The following BTRC variants were observed in gnomAD, a reference collection of about 807,000 sequenced individuals.
The protein encoded by BTRC is beta-transducin repeat containing E3 ubiquitin protein ligase.
A neutral mutation model predicts 85.5 loss-of-function variants in BTRC; 42 were observed. The ratio of observed to expected loss-of-function variants is 0.49; its 90% CI spans 0.38 to 0.64. BTRC has a LOEUF of 0.64. BTRC is among the 30% of genes least tolerant of loss of function. The pLI is 0.00. For missense variants in BTRC, 594 were observed against 743.5 expected (o/e 0.80, Z 2.34); for synonymous variants, 255 against 263.3 (o/e 0.97, Z 0.30).
intron 1 of BTRC, among the ~76,000 whole-genome samples, chr10:101,359,388 T>A (rs1161853407): frequency 1.3e-5 from 2 of 152,102 alleles, no homozygotes; most frequent in African/African-American, 4.8e-5. Context: ...CTTATAGGTG[T>A]TGGGGTATGA....
At chr10:101,382,850 A>T (rs151299947) in intron 1 of BTRC, among the ~76,000 whole-genome samples, 7 of 152,256 alleles carry the variant, frequency 4.6e-5, no homozygotes, top group African/African-American at 7.2e-5. Flanking sequence ...GAAAGACATT[A>T]CATGGGCTTT....
chr10:101,441,879 C>CAAAAAA (rs35543012), intron 2 of BTRC, among the ~76,000 whole-genome samples: 1 of 85,712 alleles, frequency 1.2e-5, no homozygotes, highest in Admixed American at 1.6e-4. Flanking sequence ...GAGACTGTCT[C>CAAAAAA]AAAAAAAAAA....
At chr10:101,508,801 C>G (rs1440184504) in intron 4 of BTRC, among the ~76,000 whole-genome samples, 2 of 151,320 alleles carry the variant, frequency 1.3e-5, no homozygotes, top group Non-Finnish European at 2.9e-5. Context: ...GTAGTCCCAG[C>G]TACTGGGGAG....
Position 101,550,897 on chromosome 10 carries a change from G to A in BTRC, c.*31+6G>A, listed in dbSNP as rs780632847. The A allele has an allele frequency of 4.4e-6, 7 of 1,590,534 alleles. No homozygotes were observed. The African/African-American group carries it at 5.4e-5, about 12-fold the overall frequency. On this transcript the variant is annotated splice_donor_region_variant and intron_variant, in intron 14 of 14. Transcript: ENST00000370187. Reference sequence around the variant, plus strand: ...CTGACCTCATACTTGCCCAGGTATCGAAATCGATTATGTACATAACACTGT... The same window carrying A: ...CTGACCTCATACTTGCCCAGGTATCAAAATCGATTATGTACATAACACTGT...
At chr10:101,391,563 A>G (rs1477672963) in intron 1 of BTRC, among the ~76,000 whole-genome samples, 1 of 152,204 alleles carries the variant, frequency 6.6e-6, no homozygotes, top group Non-Finnish European at 1.5e-5. Flanking sequence ...CATCTGATGT[A>G]TGTTGGAGAG....
chr10:101,415,004 A>G (rs985550635), intron 1 of BTRC, among the ~76,000 whole-genome samples: 7 of 149,984 alleles, frequency 4.7e-5, no homozygotes, highest in Non-Finnish European at 2.9e-5. Flanking sequence ...AGTCTAGCCT[A>G]AGTGCACAGA....
chr10:101,508,215 A>G (rs1467075761), intron 4 of BTRC, among the ~76,000 whole-genome samples: 1 of 152,234 alleles, frequency 6.6e-6, no homozygotes, highest in East Asian at 1.9e-4. Context: ...GCAAGTGTCC[A>G]GTCATTAAAT....
At chr10:101,409,230 T>C (rs1323476570) in intron 1 of BTRC, among the ~76,000 whole-genome samples, 2 of 152,250 alleles carry the variant, frequency 1.3e-5, no homozygotes, top group Non-Finnish European at 2.9e-5. Context: ...AGTTTCTTTC[T>C]ATTCCCTTCC....
chr10:101,530,771 A>T (rs532629697), intron 6 of BTRC, among the ~76,000 whole-genome samples: 1 of 152,234 alleles, frequency 6.6e-6, no homozygotes, highest in African/African-American at 2.4e-5. Context: ...ACTCTTTGAC[A>T]TGGGACTCCT....
chr10:101,363,484 A>G (rs896407768), intron 1 of BTRC, among the ~76,000 whole-genome samples: 4 of 151,646 alleles, frequency 2.6e-5, no homozygotes, highest in African/African-American at 9.7e-5. Flanking sequence ...TTTGAGATGG[A>G]GTCTTACTCT....
At chr10:101,481,224 G>A (rs1184206520) in intron 4 of BTRC, among the ~76,000 whole-genome samples, 8 of 152,190 alleles carry the variant, frequency 5.3e-5, no homozygotes, top group Admixed American at 1.3e-4. Flanking sequence ...GATTACAAGC[G>A]TGAGCCACTG....
chr10:101,393,974 G>A (rs374770908), intron 1 of BTRC, among the ~76,000 whole-genome samples: 2 of 152,210 alleles, frequency 1.3e-5, no homozygotes, highest in African/African-American at 4.8e-5. Context: ...AGACTGTAGA[G>A]CATGTCCCTC....
rs368263518 is a variant in BTRC, at chr10:101,440,441, C to A, written c.156+9989C>A. ...GTTTGTATTGAAAGTTCCTCAATGG[C>A]TGGGCACTGTGGCTCATACCTATAA... is the stretch of plus-strand genomic sequence containing the variant. On this transcript the variant is annotated intron_variant, in intron 2 of 14. Coordinates refer to ENST00000370187, the MANE Select transcript of BTRC (RefSeq NM_033637.4). Among the ~76,000 whole-genome samples the A allele has an allele frequency of 1.1e-4, 17 of 152,250 alleles. No individual in the cohort carries two copies. In the East Asian group the frequency reaches 3.1e-3, roughly 28 times the overall value.
intron 2 of BTRC, among the ~76,000 whole-genome samples, chr10:101,436,625 A>AATATATAG (rs1944537358): frequency 6.8e-6 from 1 of 146,972 alleles, no homozygotes; most frequent in African/African-American, 2.6e-5. Flanking sequence ...AATTAAAAAA[A>AATATATAG]ATAGATAGAT....
Position 101,531,089 on chromosome 10 carries a change from T to C in BTRC, c.744-148T>C, listed in dbSNP as rs2062273275. Reference sequence around the variant, plus strand: ...AGGAGGCTGAGGCAGGAGAATCACTTGAACCCAGGAAGCGGAGGTTGCAGT... The same window carrying C: ...AGGAGGCTGAGGCAGGAGAATCACTCGAACCCAGGAAGCGGAGGTTGCAGT... On this transcript the variant is annotated intron_variant, in intron 6 of 14. Coordinates refer to ENST00000370187, the MANE Select transcript of BTRC (RefSeq NM_033637.4). The C allele has an allele frequency of 2.3e-5, 13 of 562,060 alleles. No homozygotes were observed. The East Asian group carries it at 4.7e-4, about 20-fold the overall frequency. 34.8% of individuals were successfully genotyped at this position (562,060 alleles called of 1,614,324 possible).
rs544843920 is a variant in BTRC at position 101,462,192 on chromosome 10, C to T, written c.234+134C>T. ...TACTCGGACGTTGGCCTGGCCATAG[C>T]CATCACTTTCAATCAGGTGACATGG... On this transcript the variant is annotated intron_variant, in intron 3 of 14. Coordinates refer to ENST00000370187, the MANE Select transcript of BTRC (RefSeq NM_033637.4). 78 of 639,440 alleles carry T rather than the reference C, an allele frequency of 1.2e-4. No individual in the cohort carries two copies. The South Asian group carries it at 1.6e-3, about 13-fold the overall frequency. 39.6% of individuals were successfully genotyped at this position (639,440 alleles called of 1,614,324 possible). A position where few individuals can be genotyped will look rare whatever the true frequency, so the allele number is the denominator to read the frequency against.
intron 2 of BTRC, among the ~76,000 whole-genome samples, chr10:101,443,818 A>G (rs1412300530): frequency 1.3e-5 from 2 of 152,178 alleles, no homozygotes; most frequent in South Asian, 2.1e-4. Flanking sequence ...AGTAGATGTA[A>G]GGCTTTACAA....
At chr10:101,407,870 G>A (rs867230179) in intron 1 of BTRC, among the ~76,000 whole-genome samples, 1 of 151,524 alleles carries the variant, frequency 6.6e-6, no homozygotes, top group Non-Finnish European at 1.5e-5. Flanking sequence ...CTACAGGTGC[G>A]TACCACCATG....
intron 1 of BTRC, among the ~76,000 whole-genome samples, chr10:101,414,944 A>T (rs144105852): frequency 6.6e-6 from 1 of 152,194 alleles, no homozygotes; most frequent in Non-Finnish European, 1.5e-5. Context: ...AAAAAGTCAC[A>T]GTAAGCTAAG....
Sources: allele counts gnomAD v4.1 joint callset (sites outside exome capture counted in the v4.1 genomes callset), GRCh38; gene constraint gnomAD v4.1.1; transcripts MANE v1.5; gene names NCBI Gene and HGNC (gene_info 2026-07-23, HGNC 2026-07-21).